ARSJ: variants seen among roughly 807,000 people sequenced by gnomAD.
The protein encoded by ARSJ is arylsulfatase family member J, also known as arylsulfatase J.
A neutral mutation model predicts 35.9 loss-of-function variants in ARSJ; 26 were observed. The ratio of observed to expected loss-of-function variants is 0.72; its 90% CI spans 0.53 to 1.00. The LOEUF (loss-of-function observed/expected upper bound fraction) is 1.00. Among genes scored for constraint, ARSJ ranks in the 50% least tolerant of loss-of-function variants. The pLI is 0.00. For synonymous variants in ARSJ, 294 were observed against 267.6 expected (o/e 1.10, Z -0.96); for missense variants, 667 against 723.6 (o/e 0.92, Z 0.90).
intron 1 of ARSJ, among the ~76,000 whole-genome samples, chr4:113,922,131 ATC>A (rs1163720502): frequency 1.3e-5 from 2 of 152,134 alleles, no homozygotes; most frequent in East Asian, 3.9e-4. Context: ...TCAAGGAAAT[ATC>A]TCTGTCTCTA....
intron 1 of ARSJ, among the ~76,000 whole-genome samples, chr4:113,946,764 A>G (rs1725514820): frequency 1.3e-5 from 2 of 152,136 alleles, no homozygotes; most frequent in Admixed American, 6.5e-5. Context: ...TGAGTTCAGT[A>G]GCCGTTCCAT....
rs1430208819 is a variant in ARSJ at position 113,978,814 on chromosome 4, C to T, written c.21G>A (p.Ala7=). ...GTGGAGAAGGCGGAGGCGGATGCCC[C>T]GCACAGCCCCTGGGAGCCATTCACT... MAPRGC[A]GHPPPPSPQA... The change falls in exon 1 of 2, where the codon GCG becomes GCA. Residue 7 remains alanine, a synonymous_variant. Coordinates refer to ENST00000315366, the MANE Select transcript of ARSJ (RefSeq NM_024590.4). 1 of 1,609,140 alleles carries T rather than the reference C, an allele frequency of 6.2e-7. No individual in the cohort carries two copies. The highest frequency in any genetic ancestry group is 8.5e-7 in the Non-Finnish European group (1 of 1,177,630).
At chr4:113,955,631 C>T (rs1404778914) in intron 1 of ARSJ, among the ~76,000 whole-genome samples, 1 of 152,048 alleles carries the variant, frequency 6.6e-6, no homozygotes, top group Non-Finnish European at 1.5e-5. Flanking sequence ...CTGTAGAGTG[C>T]TTTCCGGTCT....
In ARSJ at chr4:113,903,983, C is replaced by T. The variant is rs1310399086; in HGVS notation, c.399-308G>A. Among the ~76,000 whole-genome samples, 8 of 152,158 alleles carry T rather than the reference C, an allele frequency of 5.3e-5. No homozygotes were observed. In the East Asian group the frequency reaches 7.8e-4, roughly 15 times the overall value. On this transcript the variant is annotated intron_variant, in intron 1 of 1. Coordinates refer to ENST00000315366, the MANE Select transcript of ARSJ (RefSeq NM_024590.4). Reference sequence around the variant, plus strand: ...CGTCACCCAGGGTGGAGTGCAGTGGCGTGATCTCGGCTCACTGCAACTTTC... The same window carrying T: ...CGTCACCCAGGGTGGAGTGCAGTGGTGTGATCTCGGCTCACTGCAACTTTC...
chr4:113,927,084 G>A (rs754932874), intron 1 of ARSJ, among the ~76,000 whole-genome samples: 7 of 152,078 alleles, frequency 4.6e-5, no homozygotes, highest in South Asian at 4.1e-4. Context: ...GCAGCCTTTC[G>A]GGTCACTCAA....
chr4:113,913,541 T>G (rs1723081103), intron 1 of ARSJ, among the ~76,000 whole-genome samples: 1 of 152,174 alleles, frequency 6.6e-6, no homozygotes, highest in South Asian at 2.1e-4. Context: ...TATTCACTTA[T>G]GTAATTAATG....
intron 1 of ARSJ, among the ~76,000 whole-genome samples, chr4:113,941,905 G>A (rs1336338970): frequency 2.0e-5 from 3 of 151,998 alleles, no homozygotes; most frequent in South Asian, 2.1e-4. Flanking sequence ...TTTAGAAAGT[G>A]AAAACATGTA....
chr4:113,963,047 C>G (rs1726659332), intron 1 of ARSJ, among the ~76,000 whole-genome samples: 1 of 151,978 alleles, frequency 6.6e-6, no homozygotes, highest in South Asian at 2.1e-4. Context: ...TCCTTGCCTC[C>G]CTTCTTATCA....
chr4:113,938,709 TA>T (rs1724926579), intron 1 of ARSJ, among the ~76,000 whole-genome samples: 1 of 151,198 alleles, frequency 6.6e-6, no homozygotes, highest in Non-Finnish European at 1.5e-5. Flanking sequence ...ACAAAGAATT[TA>T]AACAAATTTA....
At chr4:113,916,529 T>TC (rs796308272) in intron 1 of ARSJ, among the ~76,000 whole-genome samples, 39 of 14,880 alleles carry the variant, frequency 2.6e-3, no homozygotes, top group African/African-American at 4.5e-3. Context: ...ACGTTCTCTC[T>TC]TTTTTTTGTC....
chr4:113,928,793 A>T (rs1369574491), intron 1 of ARSJ, among the ~76,000 whole-genome samples: 3 of 152,156 alleles, frequency 2.0e-5, no homozygotes, highest in Non-Finnish European at 4.4e-5. Context: ...CTTCCCTCAC[A>T]AATCTGTTTT....
chr4:113,920,798 C>A (rs570358492), intron 1 of ARSJ, among the ~76,000 whole-genome samples: 145 of 152,132 alleles, frequency 9.5e-4, no homozygotes, highest in African/African-American at 3.3e-3. Context: ...TATACATCAT[C>A]CTATTTTAGA....
intron 1 of ARSJ, among the ~76,000 whole-genome samples, chr4:113,959,162 A>G (rs1726383500): frequency 6.6e-6 from 1 of 152,042 alleles, no homozygotes. Flanking sequence ...AATCTGTTTC[A>G]TGTTGCGGTA....
At chr4:113,954,002 A>C (rs1010595717) in intron 1 of ARSJ, among the ~76,000 whole-genome samples, 1 of 152,076 alleles carries the variant, frequency 6.6e-6, no homozygotes, top group African/African-American at 2.4e-5. Flanking sequence ...TACTATAGTA[A>C]TAAGCATGGT....
chr4:113,928,283 A>G (rs1019859502), intron 1 of ARSJ, among the ~76,000 whole-genome samples: 7 of 152,122 alleles, frequency 4.6e-5, no homozygotes, highest in African/African-American at 1.7e-4. Flanking sequence ...GAAGGATGGG[A>G]GAAAGATTCA....
intron 1 of ARSJ, among the ~76,000 whole-genome samples, chr4:113,943,730 G>A (rs1226831817): frequency 1.3e-5 from 2 of 151,994 alleles, no homozygotes; most frequent in African/African-American, 4.8e-5. Context: ...GTAATGAGAT[G>A]GAGCCAGTCA....
chr4:113,959,169 G>A (rs1054373243), intron 1 of ARSJ, among the ~76,000 whole-genome samples: 2 of 151,818 alleles, frequency 1.3e-5, no homozygotes, highest in South Asian at 2.1e-4. Context: ...TTCATGTTGC[G>A]GTAGACATTT....
intron 1 of ARSJ, among the ~76,000 whole-genome samples, chr4:113,911,680 A>C (rs2099670507): frequency 6.6e-6 from 1 of 152,180 alleles, no homozygotes; most frequent in African/African-American, 2.4e-5. Flanking sequence ...TAAGAAATCC[A>C]GAAAAGGGAT....
In ARSJ at chr4:113,903,254, C is replaced by G. The variant is rs2149246395; in HGVS notation, c.820G>C (p.Ala274Pro). The G allele has an allele frequency of 6.2e-7, 1 of 1,614,124 alleles. No homozygotes were observed. The highest frequency in any genetic ancestry group is 2.2e-5 in the East Asian group (1 of 44,878). Reference protein sequence around the residue: ...AYQAVHSPLQAPGRYFEHYRS... With the variant: ...AYQAVHSPLQPPGRYFEHYRS... ...TAGTGTTCGAAATACCTGCCAGGAG[C>G]TTGCAGTGGTGAATGAACAGCTTGA... Residue 274 changes from alanine to proline, a missense_variant, in exon 2 of 2, where the codon GCT becomes CCT. Physicochemically the swap from Ala to Pro is conservative, Grantham distance 27. Transcript: ENST00000315366.
Sources: gnomAD v4.1 joint callset for allele counts (sites outside exome capture counted in the v4.1 genomes callset) on GRCh38, gnomAD v4.1.1 for gene constraint, MANE v1.5 for transcripts, NCBI Gene and HGNC (gene_info 2026-07-23, HGNC 2026-07-21) for gene names.